Variants in EMC1 observed in about 807,000 individuals in gnomAD.
The protein encoded by EMC1 is KIAA0090.
A neutral mutation model predicts 128.8 loss-of-function variants in EMC1; 103 were observed. The observed-to-expected ratio is 0.80, with a 90% confidence interval of 0.68 to 0.94. The LOEUF (loss-of-function observed/expected upper bound fraction) is 0.94, where lower values mean the gene tolerates loss of function less well. Ranked by LOEUF, EMC1 falls within the 40% of genes least tolerant of loss-of-function variation. The pLI, the probability that EMC1 is intolerant of heterozygous loss-of-function variation, is 0.00. For synonymous variants in EMC1, 442 were observed against 490.4 expected (o/e 0.90, Z 1.30); for missense variants, 1,083 against 1,250.6 (o/e 0.87, Z 2.02).
intron 7 of EMC1, 70 bp downstream of exon 7, chr1:19,240,227 G>A: frequency 1.9e-6 from 3 of 1,584,836 alleles, no homozygotes; most frequent in East Asian, 4.5e-5. Context: ...CCCTCCAGGG[G>A]AATCATGCCA....
intron 1 of EMC1, among the ~76,000 whole-genome samples, chr1:19,247,231 G>C (rs2093635741): frequency 6.6e-6 from 1 of 152,164 alleles, no homozygotes; most frequent in Admixed American, 6.6e-5. Context: ...TTTGAGATGG[G>C]ATCTCACTGT....
At chr1:19,224,977 T>C (rs1198808680) in intron 18 of EMC1, among the ~76,000 whole-genome samples, 1 of 152,144 alleles carries the variant, frequency 6.6e-6, no homozygotes, top group Non-Finnish European at 1.5e-5. Flanking sequence ...CCGTGCCACT[T>C]TCTCACTAAG....
At chr1:19,238,317 C>T (rs1427082518) in intron 10 of EMC1, among the ~76,000 whole-genome samples, 178 bp from the exon 11 acceptor site, 2 of 152,120 alleles carry the variant, frequency 1.3e-5, no homozygotes, top group Non-Finnish European at 2.9e-5. Flanking sequence ...AAATAAGGTG[C>T]CTGAGTAAAT....
intron 21 of EMC1, 103 bp downstream of exon 21, chr1:19,220,661 C>G: frequency 1.1e-6 from 1 of 900,902 alleles, no homozygotes; most frequent in Middle Eastern, 2.8e-4. Flanking sequence ...ATCCCCAGCC[C>G]CTAGCACAGC....
chr1:19,226,544 A>AT (rs1162133505), intron 18 of EMC1, among the ~76,000 whole-genome samples: 1 of 152,060 alleles, frequency 6.6e-6, no homozygotes, highest in African/African-American at 2.4e-5. Flanking sequence ...AAAATAAAAA[A>AT]TTTAAAAAAA....
rs139922096 is a variant in EMC1, at chr1:19,222,760, G to A, written c.2451C>T (p.Tyr817=). ...CCAGGGAGCTGAAGGCGGTGGCGTTGTATTGCTCAGTGCCCTCATAGAGCT... is the reference window on the plus strand; with the variant it reads ...CCAGGGAGCTGAAGGCGGTGGCGTTATATTGCTCAGTGCCCTCATAGAGCT... ...VLELYEGTEQ[Y]NATAFSSLDR... is the part of the protein sequence containing the mutation. The change falls in exon 20 of 23, where the codon TAC becomes TAT. Residue 817 remains tyrosine (Y), a synonymous_variant. Transcript: ENST00000477853. 12 of 1,614,036 alleles carry A rather than the reference G, an allele frequency of 7.4e-6. No individual in the cohort carries two copies. In the African/African-American group the frequency reaches 8.0e-5, roughly 11 times the overall value.
chr1:19,237,197 G>A lies in EMC1; in HGVS notation c.1254C>T (p.Gly418=), dbSNP rs1458530500. ...QVFLKKDDSV[G]YRALVQTEDH... ...CCTCTGTCTGCACCAAAGCCCGGTAGCCCACTGAGTCATCCTTCTTCAAGA... is the reference window on the plus strand; with the variant it reads ...CCTCTGTCTGCACCAAAGCCCGGTAACCCACTGAGTCATCCTTCTTCAAGA... Residue 418 remains glycine, a synonymous_variant, in exon 12 of 23, where the codon GGC becomes GGT. Coordinates refer to ENST00000477853, the MANE Select transcript of EMC1 (RefSeq NM_015047.3). The A allele has an allele frequency of 7.4e-6, 12 of 1,614,040 alleles. No individual in the cohort carries two copies. Among genetic ancestry groups the A allele is most frequent in the South Asian group, 1.1e-5 (1 of 91,082 alleles).
Position 19,248,234 on chromosome 1 carries a change from G to C in EMC1, c.95+3181C>G, listed in dbSNP as rs113498797. On this transcript the variant is annotated intron_variant, in intron 1 of 22. Coordinates refer to ENST00000477853, the MANE Select transcript of EMC1 (RefSeq NM_015047.3). ...TTGTTTTTTGAGATGCTCTTACTCT[G>C]TCACCCAGACTGGAGTACAGAGGCA... 5.2e-3 allele frequency among the ~76,000 whole-genome samples: 789 copies of C among 152,094 alleles called. 4 individuals are homozygous for C. Among genetic ancestry groups the C allele is most frequent in the Non-Finnish European group, 9.1e-3 (621 of 67,998 alleles).
chr1:19,220,540 C>T, intron 21 of EMC1: 1 of 387,394 alleles, frequency 2.6e-6, no homozygotes, highest in Non-Finnish European at 4.6e-6. Context: ...CATTTGAGTA[C>T]CTAACATAGT....
intron 16 of EMC1, 50 bp downstream of exon 16, chr1:19,231,211 C>A (rs762908387): frequency 1.3e-6 from 2 of 1,545,346 alleles, no homozygotes; most frequent in South Asian, 2.5e-5. Context: ...ACCACCTGGC[C>A]CCAAACCGGA....
At chr1:19,222,171 G>T (rs1286468109) in intron 20 of EMC1, among the ~76,000 whole-genome samples, 1 of 151,584 alleles carries the variant, frequency 6.6e-6, no homozygotes, top group Non-Finnish European at 1.5e-5. Context: ...AGGACTGAAG[G>T]CCAGGCAGCC....
chr1:19,231,676 A>G (rs960363048), intron 15 of EMC1, among the ~76,000 whole-genome samples: 6 of 152,166 alleles, frequency 3.9e-5, no homozygotes, highest in African/African-American at 1.4e-4. Context: ...CTGGAAGTAC[A>G]GTGGCATGAT....
intron 12 of EMC1, among the ~76,000 whole-genome samples, chr1:19,236,449 G>C (rs958746411): frequency 6.6e-6 from 1 of 150,834 alleles, no homozygotes; most frequent in Non-Finnish European, 1.5e-5. Flanking sequence ...CTGAGGTCAG[G>C]AGTTTGAGAC....
Position 19,242,442 on chromosome 1 carries a change from C to T in EMC1, c.412G>A (p.Glu138Lys), listed in dbSNP as rs1445183910. The T allele has an allele frequency of 3.7e-6, 6 of 1,614,164 alleles. No individual in the cohort carries two copies. Among genetic ancestry groups the T allele is most frequent in the Non-Finnish European group, 5.1e-6 (6 of 1,180,028 alleles). The change falls in exon 5 of 23, where the codon GAG (glutamate) becomes AAG (lysine). Residue 138 changes from glutamate (E) to lysine (K), a missense_variant. Transcript: ENST00000477853. ...AGGACTGCGATGTACCTTACAGACT[C>T]CTGCAGGCCAACCAGCCCAAGTGCC... is the stretch of plus-strand genomic sequence containing the variant. ...FQALGLVGLQ[E>K]SVRYIAVLKK...
intron 8 of EMC1, 64 bp downstream of exon 8, chr1:19,239,754 C>T (rs778579173): frequency 6.6e-5 from 102 of 1,540,826 alleles, no homozygotes; most frequent in Non-Finnish European, 8.7e-5. Context: ...AAAGCACTGC[C>T]TTCTAGCATC....
Position 19,239,960 on chromosome 1 carries a change from C to T in EMC1, c.812G>A (p.Gly271Glu), listed in dbSNP as rs199938439. The change falls in exon 8 of 23, where the codon GGA (glycine) becomes GAA (glutamate). Residue 271 changes from glycine to glutamate, a missense_variant. Around this residue, in one of 3 missense-constraint regions of EMC1, gnomAD observed 544 missense variants for 572.4 expected, o/e 0.95. Coordinates refer to ENST00000477853, the MANE Select transcript of EMC1 (RefSeq NM_015047.3). ...LQSLDLEFGSGFQPRVLPTQP... is the reference protein window; with the variant it reads ...LQSLDLEFGSEFQPRVLPTQP... ...GGTAGGCAGGACCCGGGGTTGGAAT[C>T]CACTTCCAAATTCTAAGTCGAGAGA... 3 of 1,612,598 alleles carry T rather than the reference C, an allele frequency of 1.9e-6. No homozygotes were observed. In the African/African-American group the frequency reaches 4.0e-5, roughly 22 times the overall value.
chr1:19,218,061 C>T lies in EMC1; in HGVS notation c.*1242G>A, dbSNP rs1033342625. On this transcript the variant is annotated 3_prime_UTR_variant, in exon 23 of 23. Coordinates refer to ENST00000477853, the MANE Select transcript of EMC1 (RefSeq NM_015047.3). Reference sequence around the variant, plus strand: ...GTGAAAATAGCCTCAAAATGATCTTCTAAGACACAAAAGAGGACTTAAACA... The same window carrying T: ...GTGAAAATAGCCTCAAAATGATCTTTTAAGACACAAAAGAGGACTTAAACA... 4 of 152,230 alleles carry T rather than the reference C, an allele frequency of 2.6e-5. No individual in the cohort carries two copies. Among genetic ancestry groups the T allele is most frequent in the African/African-American group, 9.6e-5 (4 of 41,458 alleles). 9.4% of individuals were successfully genotyped at this position (152,230 alleles called of 1,614,324 possible).
At chr1:19,219,854 G>C (rs2093417991) in intron 21 of EMC1, 156 bp from the exon 22 acceptor site, 1 of 689,056 alleles carries the variant, frequency 1.5e-6, no homozygotes, top group Non-Finnish European at 2.4e-6. Flanking sequence ...TTTAGCAGCT[G>C]AATGTTAGGA....
intron 21 of EMC1, chr1:19,220,087 G>A (rs947120355): frequency 9.8e-6 from 2 of 203,926 alleles, no homozygotes; most frequent in African/African-American, 4.6e-5. Context: ...TTATCATCCT[G>A]TGTCTTTTCC....
Sources: allele counts gnomAD v4.1 joint callset (sites outside exome capture counted in the v4.1 genomes callset), GRCh38; gene constraint gnomAD v4.1.1; regional missense constraint gnomAD v4.1.1; transcripts MANE v1.5; gene names NCBI Gene and HGNC (gene_info 2026-07-23, HGNC 2026-07-21).